Variants in WDR20 observed in about 807,000 individuals in gnomAD.
WDR20 encodes the protein WD repeat-containing protein 20.
Under a neutral mutation model 38.7 loss-of-function variants are expected in WDR20, and 3 were observed. The observed-to-expected ratio is 0.08, with a 90% confidence interval of 0.04 to 0.20. The LOEUF (loss-of-function observed/expected upper bound fraction) is 0.20, where lower values mean the gene tolerates loss of function less well. WDR20 is among the 10% of genes least tolerant of loss of function. The pLI is 1.00. For missense variants in WDR20, 559 were observed against 727.7 expected, an observed-to-expected ratio of 0.77 and a Z score of 2.67; for synonymous variants, 298 against 285.6, an observed-to-expected ratio of 1.04 and a Z score of -0.44.
intron 1 of WDR20, among the ~76,000 whole-genome samples, chr14:102,169,496 C>T (rs2060410244): frequency 6.6e-6 from 1 of 152,080 alleles, no homozygotes; most frequent in South Asian, 2.1e-4. Context: ...ATATAGAATT[C>T]AATAAATATT....
intron 1 of WDR20, among the ~76,000 whole-genome samples, chr14:102,156,671 G>A (rs745989462): frequency 2.0e-5 from 3 of 151,914 alleles, no homozygotes; most frequent in Admixed American, 1.3e-4. Context: ...ACCATGCCTG[G>A]CCATAGATTT....
At chr14:102,200,505 G>GTT (rs2060214409) in intron 2 of WDR20, among the ~76,000 whole-genome samples, 1 of 146,274 alleles carries the variant, frequency 6.8e-6, no homozygotes, top group Non-Finnish European at 1.5e-5. Flanking sequence ...GTGTGTGTGT[G>GTT]TGTTTCACTC....
chr14:102,180,988 A>G (rs775483430), intron 1 of WDR20, among the ~76,000 whole-genome samples: 1 of 152,210 alleles, frequency 6.6e-6, no homozygotes, highest in Non-Finnish European at 1.5e-5. Flanking sequence ...AGCTTTGGAA[A>G]GAGCTGTGGA....
intron 1 of WDR20, chr14:102,171,396 T>C (rs2060800769): frequency 6.6e-6 from 1 of 151,576 alleles, no homozygotes; most frequent in Non-Finnish European, 1.5e-5. Context: ...GGTGAGTAGC[T>C]GGGACTACAG....
At chr14:102,156,923 G>A (rs538297641) in intron 1 of WDR20, among the ~76,000 whole-genome samples, 3 of 152,212 alleles carry the variant, frequency 2.0e-5, no homozygotes, top group South Asian at 2.1e-4. Context: ...CCTGGGAGGC[G>A]GAGGTTGAGT....
At chr14:102,216,508 A>G (rs962951119), downstream of WDR20, among the ~76,000 whole-genome samples, 4 of 152,220 alleles carry the variant, frequency 2.6e-5, no homozygotes, top group Admixed American at 6.5e-5. Flanking sequence ...CATGTTGCCC[A>G]GGCTAGCACT....
intron 1 of WDR20, among the ~76,000 whole-genome samples, chr14:102,148,655 TA>T (rs1375350392): frequency 6.9e-6 from 1 of 145,468 alleles, no homozygotes; most frequent in African/African-American, 2.5e-5. Context: ...CTCCTGTCTT[TA>T]AAGAGTTTGG....
At chr14:102,211,996 C>T (rs1323876439), downstream of WDR20, among the ~76,000 whole-genome samples, 2 of 152,128 alleles carry the variant, frequency 1.3e-5, no homozygotes, top group East Asian at 3.9e-4. This position sits in a 1 kb window ranked among gnomAD's most constrained non-coding sequence, Gnocchi z 4.2. Flanking sequence ...GATTTCTCCC[C>T]CTTCTTTAAA....
intron 1 of WDR20, among the ~76,000 whole-genome samples, chr14:102,174,511 C>T (rs1424892526): frequency 1.3e-5 from 2 of 152,208 alleles, no homozygotes; most frequent in Admixed American, 1.3e-4. Context: ...CCTCCACCTC[C>T]TGGGTTCAAG....
At chr14:102,191,495 C>G (rs1408875033) in intron 1 of WDR20, 1 of 152,162 alleles carries the variant, frequency 6.6e-6, no homozygotes, top group African/African-American at 2.4e-5. Context: ...GGAAAGAGGA[C>G]AGGCGAGTGG....
intron 1 of WDR20, among the ~76,000 whole-genome samples, chr14:102,164,824 A>T (rs1287599153): frequency 1.3e-5 from 2 of 152,124 alleles, no homozygotes; most frequent in Non-Finnish European, 2.9e-5. Context: ...CTTTTCCATT[A>T]TAAGTTTCTG....
downstream of WDR20, chr14:102,214,024 C>T (rs555878664): frequency 1.0e-6 from 1 of 985,512 alleles, no homozygotes; most frequent in South Asian, 4.7e-5. Flanking sequence ...TGGCCCTGCC[C>T]TGCCTCCGGT....
intron 1 of WDR20, among the ~76,000 whole-genome samples, chr14:102,162,383 T>G (rs2058928230): frequency 6.6e-6 from 1 of 152,184 alleles, no homozygotes; most frequent in African/African-American, 2.4e-5. Flanking sequence ...TGTTTGAATC[T>G]CTGTTTACCC....
At chr14:102,210,827 T>TCTTC (rs2062408538), downstream of WDR20, among the ~76,000 whole-genome samples, 1 of 152,070 alleles carries the variant, frequency 6.6e-6, no homozygotes, top group Non-Finnish European at 1.5e-5. Flanking sequence ...ACTCCCCGAG[T>TCTTC]CTTCCGACTT....
chr14:102,174,913 ATTTTC>A, intron 1 of WDR20, among the ~76,000 whole-genome samples: 1 of 151,876 alleles, frequency 6.6e-6, no homozygotes, highest in East Asian at 1.9e-4. Flanking sequence ...ATTATTAATT[ATTTTC>A]TTGCTGATTT....
chr14:102,178,391 CAAAAA>C (rs34653819), intron 1 of WDR20, among the ~76,000 whole-genome samples: 18 of 143,274 alleles, frequency 1.3e-4, no homozygotes, highest in Admixed American at 1.3e-3. Flanking sequence ...GACTCTGTCT[CAAAAA>C]AAAAAAAAAA....
downstream of WDR20, chr14:102,213,595 T>C (rs2062824224): frequency 1.0e-6 from 1 of 985,384 alleles, no homozygotes; most frequent in Non-Finnish European, 1.2e-6. Context: ...AAGGACACCG[T>C]CCGGGCGGGG....
chr14:102,218,381 C>G (rs554010088), downstream of WDR20, among the ~76,000 whole-genome samples: 2 of 152,288 alleles, frequency 1.3e-5, no homozygotes, highest in Non-Finnish European at 2.9e-5. Flanking sequence ...CTCCCAGAAC[C>G]CAGAGCTAGG....
At chr14:102,152,921 C>T (rs1200438243) in intron 1 of WDR20, among the ~76,000 whole-genome samples, 3 of 152,274 alleles carry the variant, frequency 2.0e-5, no homozygotes, top group African/African-American at 7.2e-5. Context: ...CTTATATTGT[C>T]AGTAAGCACA....
Sources: allele counts gnomAD v4.1 joint callset (sites outside exome capture counted in the v4.1 genomes callset), GRCh38; gene constraint gnomAD v4.1.1; non-coding constraint Gnocchi (gnomAD v3.1); transcripts MANE v1.5; gene names NCBI Gene and HGNC (gene_info 2026-07-23, HGNC 2026-07-21).